The following KCNS3 variants were observed in gnomAD, a reference collection of about 807,000 sequenced individuals.
KCNS3 encodes the protein potassium voltage-gated channel modifier subfamily S member 3.
In KCNS3, 13 loss-of-function variants were observed where a neutral mutation model predicts 31.0. The ratio of observed to expected loss-of-function variants is 0.42; its 90% CI spans 0.27 to 0.67. KCNS3 has a LOEUF of 0.67. Ranked by LOEUF, KCNS3 falls within the 30% of genes least tolerant of loss-of-function variation. The pLI is 0.25. For synonymous variants in KCNS3, 238 were observed against 241.5 expected (o/e 0.99, Z 0.13); for missense variants, 545 against 622.4 (o/e 0.88, Z 1.32).
At chr2:17,909,882 G>T (rs1662430392) in intron 1 of KCNS3, among the ~76,000 whole-genome samples, 1 of 152,176 alleles carries the variant, frequency 6.6e-6, no homozygotes, top group Non-Finnish European at 1.5e-5. Context: ...GAGGGTGGAT[G>T]GTGGGCACTT....
At chr2:17,915,459 C>G (rs973460601) in intron 1 of KCNS3, among the ~76,000 whole-genome samples, 15 of 152,232 alleles carry the variant, frequency 9.9e-5, no homozygotes, top group African/African-American at 2.9e-4. Flanking sequence ...CTCACTCCCC[C>G]CAATCCCTGC....
chr2:17,891,612 T>C (rs983196672), intron 1 of KCNS3, among the ~76,000 whole-genome samples: 4 of 152,332 alleles, frequency 2.6e-5, no homozygotes, highest in South Asian at 4.1e-4. Context: ...GTTCTTATAG[T>C]GGTGGCTTGG....
intron 1 of KCNS3, among the ~76,000 whole-genome samples, chr2:17,912,935 T>C (rs1174983464): frequency 1.3e-5 from 2 of 152,226 alleles, no homozygotes; most frequent in Admixed American, 1.3e-4. Context: ...CATATTAACT[T>C]AAGGTACTTC....
chr2:17,918,317 A>G (rs2125249237), intron 2 of KCNS3, among the ~76,000 whole-genome samples: 1 of 152,356 alleles, frequency 6.6e-6, no homozygotes, highest in African/African-American at 2.4e-5. Flanking sequence ...TTTGAGCCAC[A>G]TCATGCTTCA....
chr2:17,884,290 T>A (rs1157277796), intron 1 of KCNS3, among the ~76,000 whole-genome samples: 2 of 138,256 alleles, frequency 1.4e-5, no homozygotes, highest in African/African-American at 2.7e-5. Flanking sequence ...TATATATATA[T>A]ATATATATAT....
intron 1 of KCNS3, among the ~76,000 whole-genome samples, chr2:17,897,243 G>C (rs1572484615): frequency 6.6e-6 from 1 of 152,104 alleles, no homozygotes; most frequent in South Asian, 2.1e-4. Context: ...TTTTACAGTT[G>C]TGTAATATTC....
At chr2:17,885,908 A>G (rs1199132848) in intron 1 of KCNS3, among the ~76,000 whole-genome samples, 3 of 152,240 alleles carry the variant, frequency 2.0e-5, no homozygotes, top group African/African-American at 7.2e-5. Flanking sequence ...TGACCGTCAC[A>G]GATAACCTGA....
chr2:17,914,759 T>C (rs987168861), intron 1 of KCNS3, among the ~76,000 whole-genome samples: 9 of 152,160 alleles, frequency 5.9e-5, no homozygotes, highest in African/African-American at 1.7e-4. Context: ...TTTCAGAAGA[T>C]TGTGGGCAGG....
chr2:17,888,145 C>T (rs1193543419), intron 1 of KCNS3, among the ~76,000 whole-genome samples: 1 of 152,094 alleles, frequency 6.6e-6, no homozygotes, highest in African/African-American at 2.4e-5. Flanking sequence ...GTTTACTCTG[C>T]TGACTGTTCC....
intron 1 of KCNS3, among the ~76,000 whole-genome samples, chr2:17,892,826 G>T (rs909369921): frequency 6.6e-6 from 1 of 152,180 alleles, no homozygotes; most frequent in African/African-American, 2.4e-5. Context: ...AGTGCCTGTT[G>T]CAGTGGAGGT....
At chr2:17,894,737 G>T (rs1056703505) in intron 1 of KCNS3, among the ~76,000 whole-genome samples, 3 of 152,228 alleles carry the variant, frequency 2.0e-5, no homozygotes, top group Non-Finnish European at 4.4e-5. Context: ...CCTGTTCAGA[G>T]ATGGTGCCTA....
At chr2:17,901,364 G>A (rs1440763004) in intron 1 of KCNS3, among the ~76,000 whole-genome samples, 1 of 152,190 alleles carries the variant, frequency 6.6e-6, no homozygotes, top group Non-Finnish European at 1.5e-5. Flanking sequence ...CAATGGGGAT[G>A]TGTATTTGCT....
chr2:17,930,907 C>T, intron 2 of KCNS3, 43 bp from the exon 3 acceptor site: 2 of 1,351,976 alleles, frequency 1.5e-6, no homozygotes, highest in Non-Finnish European at 1.0e-6. Flanking sequence ...CTTGGCTGGG[C>T]ACGGCAGGAC....
chr2:17,922,673 G>A (rs1662744996), intron 2 of KCNS3, among the ~76,000 whole-genome samples: 2 of 147,840 alleles, frequency 1.4e-5, no homozygotes, highest in Admixed American at 6.9e-5. Flanking sequence ...CCTCCCCCCA[G>A]CCCCCAGCAA....
At chr2:17,930,805 C>A (rs1662942570) in intron 2 of KCNS3, 145 bp from the exon 3 acceptor site, 1 of 528,832 alleles carries the variant, frequency 1.9e-6, no homozygotes, top group Non-Finnish European at 3.2e-6. Context: ...TTCTTCTGAA[C>A]AAAATGCATA....
chr2:17,907,426 G>A (rs1662352760), intron 1 of KCNS3, among the ~76,000 whole-genome samples: 1 of 152,266 alleles, frequency 6.6e-6, no homozygotes. Flanking sequence ...TTGCCAGTCT[G>A]TGTCTTTTAA....
chr2:17,882,270 G>A (rs1011221729), intron 1 of KCNS3, among the ~76,000 whole-genome samples: 1 of 152,158 alleles, frequency 6.6e-6, no homozygotes, highest in Non-Finnish European at 1.5e-5. Context: ...ACAATGACTC[G>A]GTCACATTTG....
intron 1 of KCNS3, among the ~76,000 whole-genome samples, chr2:17,879,104 G>A (rs952467281): frequency 2.6e-5 from 4 of 152,238 alleles, no homozygotes; most frequent in Non-Finnish European, 1.5e-5. Flanking sequence ...AAAGCCTCGG[G>A]GAAGGTATTT....
chr2:17,920,049 C>G (rs113187076), intron 2 of KCNS3, among the ~76,000 whole-genome samples: 2,397 of 152,142 alleles, frequency 0.016, 52 homozygotes, highest in African/African-American at 0.05. Flanking sequence ...TTAAAAAAAT[C>G]AAAATGAGCT....
Sources: allele counts gnomAD v4.1 joint callset (sites outside exome capture counted in the v4.1 genomes callset), GRCh38; gene constraint gnomAD v4.1.1; transcripts MANE v1.5; gene names NCBI Gene and HGNC (gene_info 2026-07-23, HGNC 2026-07-21).